CNTNAP2: variants seen among roughly 807,000 people sequenced by gnomAD.
CNTNAP2 encodes the protein contactin associated protein 2, also known as contactin-associated protein-like 2.
In CNTNAP2, 98 loss-of-function variants were observed where a neutral mutation model predicts 155.2. That is an observed-to-expected ratio of 0.63 (90% CI 0.54 to 0.75). The LOEUF (loss-of-function observed/expected upper bound fraction) is 0.75. Ranked by LOEUF, CNTNAP2 falls within the 30% of genes least tolerant of loss-of-function variation. The pLI, the probability that CNTNAP2 is intolerant of heterozygous loss-of-function variation, is 0.00. For missense variants in CNTNAP2, 1,727 were observed against 1,688.1 expected, an observed-to-expected ratio of 1.02 and a Z score of -0.40; for synonymous variants, 651 against 631.2, an observed-to-expected ratio of 1.03 and a Z score of -0.47.
chr7:147,533,141 G>T (rs1191655034), intron 11 of CNTNAP2, among the ~76,000 whole-genome samples: 1 of 152,178 alleles, frequency 6.6e-6, no homozygotes, highest in Non-Finnish European at 1.5e-5. Context: ...CAAAGCTATA[G>T]CTGGAATTCA....
intron 1 of CNTNAP2, among the ~76,000 whole-genome samples, chr7:146,582,747 T>C: frequency 6.6e-6 from 1 of 152,126 alleles, no homozygotes; most frequent in Non-Finnish European, 1.5e-5. Context: ...TCACCTAGTA[T>C]ATTTAGGTTA....
chr7:146,760,411 T>C (rs1355604231), intron 1 of CNTNAP2, among the ~76,000 whole-genome samples: 1 of 22,462 alleles, frequency 4.5e-5, no homozygotes, highest in South Asian at 1.4e-3. Context: ...CAATTTACCT[T>C]TTTTTTTTTT....
At chr7:147,531,626 T>G (rs1329196783) in intron 11 of CNTNAP2, among the ~76,000 whole-genome samples, 1 of 152,146 alleles carries the variant, frequency 6.6e-6, no homozygotes, top group Non-Finnish European at 1.5e-5. Flanking sequence ...GCCTGGCCCA[T>G]GAAACCACTT....
At chr7:147,483,579 C>T (rs550274494) in intron 10 of CNTNAP2, among the ~76,000 whole-genome samples, 56 of 152,262 alleles carry the variant, frequency 3.7e-4, no homozygotes, top group African/African-American at 1.2e-3. Context: ...GCACTACTTC[C>T]CCCGAATTAA....
At position 147,582,176 on chromosome 7, in the gene CNTNAP2, A is replaced by G. The variant is rs1016310590; in HGVS notation, c.1897+19919A>G. ...GTTGGAAATTAGCTTAGTATCTTCA[A>G]TTCTTTACCCTGAACTGGTTTACAC... On this transcript the variant is annotated intron_variant, in intron 12 of 23. Transcript: ENST00000361727. Among the ~76,000 whole-genome samples, 8 of 151,978 alleles carry G rather than the reference A, an allele frequency of 5.3e-5. No individual in the cohort carries two copies. In the East Asian group the frequency reaches 9.6e-4, roughly 18 times the overall value.
At chr7:146,474,995 G>A (rs6946502) in intron 1 of CNTNAP2, among the ~76,000 whole-genome samples, 27,449 of 140,090 alleles carry the variant, frequency 0.2, 3,504 homozygotes, top group African/African-American at 0.39. Flanking sequence ...GAGCACGAGC[G>A]CGCACGCGCG....
chr7:148,061,950 CAGATATAG>C (rs1402299808), intron 15 of CNTNAP2, among the ~76,000 whole-genome samples: 1 of 104,334 alleles, frequency 9.6e-6, no homozygotes, highest in Non-Finnish European at 1.9e-5. Flanking sequence ...GATAGATAAA[CAGATATAG>C]ATAGATAGAT....
chr7:147,803,360 AGCCAG>A (rs1422730823), intron 13 of CNTNAP2, among the ~76,000 whole-genome samples: 6 of 152,198 alleles, frequency 3.9e-5, no homozygotes, highest in Non-Finnish European at 8.8e-5. Flanking sequence ...ATAGAAATGC[AGCCAG>A]CAAACTTGGG....
At chr7:146,205,674 G>T (rs1192441479) in intron 1 of CNTNAP2, among the ~76,000 whole-genome samples, 2 of 151,986 alleles carry the variant, frequency 1.3e-5, no homozygotes, top group African/African-American at 2.4e-5. Context: ...TCCCTATGGA[G>T]TAAATTACAA....
At chr7:146,393,523 C>G (rs570691037) in intron 1 of CNTNAP2, among the ~76,000 whole-genome samples, 1 of 152,044 alleles carries the variant, frequency 6.6e-6, no homozygotes, top group South Asian at 2.1e-4. Flanking sequence ...CCATTTTATC[C>G]CTGCTTTGCT....
chr7:147,423,552 A>G (rs1399016982), intron 10 of CNTNAP2, among the ~76,000 whole-genome samples: 1 of 152,092 alleles, frequency 6.6e-6, no homozygotes, highest in Non-Finnish European at 1.5e-5. Context: ...TCACCTCCTC[A>G]TCCTTGCAGA....
intron 12 of CNTNAP2, among the ~76,000 whole-genome samples, chr7:147,632,671 G>T (rs2116912687): frequency 6.6e-6 from 1 of 152,276 alleles, no homozygotes; most frequent in South Asian, 2.1e-4. Flanking sequence ...CTGGGTAGTG[G>T]GGTGCTGCTG....
At chr7:147,422,157 TAC>T (rs1281129614) in intron 10 of CNTNAP2, among the ~76,000 whole-genome samples, 1 of 148,160 alleles carries the variant, frequency 6.7e-6, no homozygotes, top group Non-Finnish European at 1.5e-5. Context: ...TATGTATATA[TAC>T]AGTATATATA....
At chr7:148,294,534 T>C (rs995890022) in intron 21 of CNTNAP2, among the ~76,000 whole-genome samples, 2 of 152,198 alleles carry the variant, frequency 1.3e-5, no homozygotes, top group Non-Finnish European at 2.9e-5. Flanking sequence ...GAGCAACGCT[T>C]TGTGTTACTT....
At chr7:147,648,087 G>C (rs1795396619) in intron 13 of CNTNAP2, among the ~76,000 whole-genome samples, 1 of 152,128 alleles carries the variant, frequency 6.6e-6, no homozygotes, top group African/African-American at 2.4e-5. Flanking sequence ...ATGTAGAAAA[G>C]CTGCTTAATC....
At chr7:146,224,783 AAAC>A in intron 1 of CNTNAP2, among the ~76,000 whole-genome samples, 1 of 152,238 alleles carries the variant, frequency 6.6e-6, no homozygotes, top group South Asian at 2.1e-4. Context: ...ACAAACAAAC[AAAC>A]AACAGCAACA....
At chr7:146,789,785 C>G (rs1373467250) in intron 2 of CNTNAP2, among the ~76,000 whole-genome samples, 2 of 151,400 alleles carry the variant, frequency 1.3e-5, no homozygotes, top group Non-Finnish European at 2.9e-5. Flanking sequence ...CACTAACACT[C>G]TTAATATTCA....
intron 8 of CNTNAP2, among the ~76,000 whole-genome samples, chr7:147,156,449 A>G (rs1188790176): frequency 6.6e-6 from 1 of 152,142 alleles, no homozygotes; most frequent in Non-Finnish European, 1.5e-5. Flanking sequence ...GCCAGAGAAA[A>G]ATCAATGCAA....
chr7:147,523,772 C>T (rs1412795970), intron 11 of CNTNAP2, among the ~76,000 whole-genome samples: 1 of 152,180 alleles, frequency 6.6e-6, no homozygotes, highest in East Asian at 1.9e-4. Context: ...ATTCCCATGC[C>T]TAGTTCACAG....
Sources: gnomAD v4.1 joint callset for allele counts (sites outside exome capture counted in the v4.1 genomes callset) on GRCh38, gnomAD v4.1.1 for gene constraint, MANE v1.5 for transcripts, NCBI Gene and HGNC (gene_info 2026-07-23, HGNC 2026-07-21) for gene names.